CEP112: variants seen among roughly 807,000 people sequenced by gnomAD.
The protein encoded by CEP112 is centrosomal protein of 112 kDa.
In CEP112, 127 loss-of-function variants were observed where a neutral mutation model predicts 153.0. The ratio of observed to expected loss-of-function variants is 0.83; its 90% CI spans 0.72 to 0.96. CEP112 has a LOEUF of 0.96. Ranked by LOEUF, CEP112 falls within the 40% of genes least tolerant of loss-of-function variation. CEP112 has a pLI of 0.00. For synonymous variants in CEP112, 358 were observed against 374.4 expected (o/e 0.96, Z 0.51); for missense variants, 1,089 against 1,101.2 (o/e 0.99, Z 0.16).
intron 24 of CEP112, among the ~76,000 whole-genome samples, chr17:65,662,065 C>T (rs574456730): frequency 6.6e-6 from 1 of 152,206 alleles, no homozygotes; most frequent in South Asian, 2.1e-4. Flanking sequence ...ACTTCATGGG[C>T]TCAGGTGATC....
Position 66,092,044 on chromosome 17 carries a change from CT to C in CEP112, c.768+4206del, listed in dbSNP as rs71293589. Among the ~76,000 whole-genome samples, 904 of 141,590 alleles carry C rather than the reference CT, an allele frequency of 6.4e-3. 5 individuals carry two copies. The highest frequency in any genetic ancestry group is 0.016 in the African/African-American group (601 of 38,614). The allele number at this position is 141,590 out of a possible 152,430, so 92.9% of individuals were successfully genotyped here. A position where few individuals can be genotyped will look rare whatever the true frequency, so the allele number is the denominator to read the frequency against. On this transcript the variant is annotated intron_variant, in intron 8 of 26. Coordinates refer to ENST00000535342, the MANE Select transcript of CEP112 (RefSeq NM_001199165.4). ...ACTGAAGCATTAATTTATGTATTTA[CT>C]TTTTTTTTTTTTTGAGATGGGAGTC...
At chr17:66,012,374 C>A (rs1026274069) in intron 16 of CEP112, among the ~76,000 whole-genome samples, 2 of 152,116 alleles carry the variant, frequency 1.3e-5, no homozygotes, top group African/African-American at 4.8e-5. Flanking sequence ...AACGGTCTAT[C>A]CTTCCCATGT....
chr17:66,124,369 C>T (rs542198603), intron 6 of CEP112, among the ~76,000 whole-genome samples: 1 of 152,160 alleles, frequency 6.6e-6, no homozygotes, highest in East Asian at 1.9e-4. Flanking sequence ...ACTAGGCATA[C>T]TCTCAGAGGA....
intron 1 of CEP112, among the ~76,000 whole-genome samples, chr17:66,184,735 C>T (rs1321142301): frequency 6.6e-6 from 1 of 152,050 alleles, no homozygotes; most frequent in African/African-American, 2.4e-5. Flanking sequence ...CCCAGAAATC[C>T]CACTCCCAAG....
rs1372441164 is a variant in CEP112 at position 65,731,987 on chromosome 17, C to G, written c.2607+11081G>C. Reference sequence around the variant, plus strand: ...ACTCCTGTTAATGTTTATATTTTGACCTCCTCCCATGAATCAAAAATGTTC... The same window carrying G: ...ACTCCTGTTAATGTTTATATTTTGAGCTCCTCCCATGAATCAAAAATGTTC... On this transcript the variant is annotated intron_variant, in intron 23 of 26. Transcript: ENST00000535342. Among the ~76,000 whole-genome samples the G allele has an allele frequency of 2.0e-5, 3 of 152,202 alleles. No homozygotes were observed. The East Asian group carries it at 5.8e-4, about 29-fold the overall frequency.
intron 23 of CEP112, among the ~76,000 whole-genome samples, chr17:65,692,959 G>A (rs2048182250): frequency 6.6e-6 from 1 of 151,988 alleles, no homozygotes; most frequent in South Asian, 2.1e-4. Context: ...TTAACCAAAG[G>A]TGATTATGTG....
intron 23 of CEP112, among the ~76,000 whole-genome samples, chr17:65,738,275 G>A (rs975559221): frequency 3.9e-5 from 6 of 152,192 alleles, no homozygotes; most frequent in East Asian, 1.9e-4. Context: ...TCATAAACCC[G>A]GACAGTGTGA....
intron 25 of CEP112, among the ~76,000 whole-genome samples, chr17:65,639,387 G>A (rs1003154686): frequency 6.6e-6 from 1 of 152,100 alleles, no homozygotes; most frequent in Non-Finnish European, 1.5e-5. Flanking sequence ...GAAAAAATAT[G>A]TCTTAAACTT....
At chr17:65,674,479 T>C (rs971344945) in intron 24 of CEP112, among the ~76,000 whole-genome samples, 2 of 152,202 alleles carry the variant, frequency 1.3e-5, no homozygotes, top group Non-Finnish European at 2.9e-5. Context: ...AATCTTTCTT[T>C]TAACAGTTTC....
chr17:65,969,876 T>C (rs1164438584), intron 17 of CEP112, among the ~76,000 whole-genome samples: 4 of 152,228 alleles, frequency 2.6e-5, no homozygotes, highest in African/African-American at 7.2e-5. Flanking sequence ...ATGTGCATTA[T>C]GTGTAAATTA....
At chr17:65,923,735 T>C (rs1366939136) in intron 19 of CEP112, among the ~76,000 whole-genome samples, 1 of 152,144 alleles carries the variant, frequency 6.6e-6, no homozygotes, top group African/African-American at 2.4e-5. Context: ...TAACCCATAA[T>C]ACCAGGCCAA....
At chr17:65,845,796 G>A (rs1056126001) in intron 21 of CEP112, among the ~76,000 whole-genome samples, 2 of 152,072 alleles carry the variant, frequency 1.3e-5, no homozygotes, top group African/African-American at 4.8e-5. Context: ...CACAAAAGAA[G>A]CTTTCACTTT....
At chr17:66,085,953 G>A (rs1413970435) in intron 8 of CEP112, among the ~76,000 whole-genome samples, 1 of 147,106 alleles carries the variant, frequency 6.8e-6, no homozygotes, top group Non-Finnish European at 1.5e-5. Flanking sequence ...CTCCAGCCTG[G>A]GTGACGACAG....
chr17:65,674,206 A>G (rs945725328), intron 24 of CEP112, among the ~76,000 whole-genome samples: 2 of 152,216 alleles, frequency 1.3e-5, no homozygotes, highest in African/African-American at 4.8e-5. Context: ...TTAGAAAAAC[A>G]AATCAATAGA....
chr17:66,123,990 G>A (rs1277330165), intron 6 of CEP112, among the ~76,000 whole-genome samples: 2 of 152,112 alleles, frequency 1.3e-5, no homozygotes, highest in African/African-American at 2.4e-5. Context: ...ATCAGTCTGC[G>A]AATTCCATCT....
At chr17:66,037,104 T>G (rs994513159) in intron 12 of CEP112, among the ~76,000 whole-genome samples, 3 of 152,102 alleles carry the variant, frequency 2.0e-5, no homozygotes, top group Non-Finnish European at 2.9e-5. Context: ...TTATAATCTA[T>G]TTGCTAAAGG....
chr17:65,963,996 C>T (rs1051504750), intron 17 of CEP112, among the ~76,000 whole-genome samples: 8 of 152,130 alleles, frequency 5.3e-5, no homozygotes, highest in Non-Finnish European at 1.0e-4. Flanking sequence ...TTAATACTGC[C>T]CCAAGGTGTG....
At chr17:66,023,404 T>A (rs943723812) in intron 16 of CEP112, among the ~76,000 whole-genome samples, 1 of 152,086 alleles carries the variant, frequency 6.6e-6, no homozygotes, top group Non-Finnish European at 1.5e-5. Context: ...CAGAAGAGAT[T>A]GGGATCCGAT....
At chr17:66,117,917 A>G (rs1286639066) in intron 6 of CEP112, among the ~76,000 whole-genome samples, 3 of 152,156 alleles carry the variant, frequency 2.0e-5, no homozygotes, top group Admixed American at 2.0e-4. Context: ...AAAATACTCA[A>G]ATCATTAATC....
Sources: allele counts gnomAD v4.1 joint callset (sites outside exome capture counted in the v4.1 genomes callset), GRCh38; gene constraint gnomAD v4.1.1; transcripts MANE v1.5; gene names NCBI Gene and HGNC (gene_info 2026-07-23, HGNC 2026-07-21).